Variants in FAIM2 observed in about 807,000 individuals in gnomAD.
The protein encoded by FAIM2 is Fas apoptotic inhibitory molecule 2.
FAIM2 carries 27 observed loss-of-function variants against 47.4 expected under a neutral mutation model. The observed-to-expected ratio is 0.57, with a 90% CI of 0.42 to 0.78. FAIM2 has a LOEUF of 0.78. Ranked by LOEUF, FAIM2 falls within the 30% of genes least tolerant of loss-of-function variation. The pLI is 0.00. For synonymous variants in FAIM2, 156 were observed against 159.3 expected, an observed-to-expected ratio of 0.98 and a Z score of 0.16; for missense variants, 311 against 389.4, an observed-to-expected ratio of 0.80 and a Z score of 1.69.
At position 49,894,670 on chromosome 12, in the gene FAIM2, C is replaced by T. The variant is rs191565303; in HGVS notation, c.434+2361G>A. On this transcript the variant is annotated intron_variant, in intron 5 of 11. Transcript: ENST00000320634. ...CCAGCATCCAAACACAATGCCTTTC[C>T]CCAGCTTGTCCTGCTCTAAGACAAA... 1.2e-3 allele frequency among the ~76,000 whole-genome samples: 176 copies of T among 152,244 alleles called. 1 individual carries two copies. Among genetic ancestry groups the T allele is most frequent in the African/African-American group, 3.5e-3 (146 of 41,552 alleles).
At position 49,890,560 on chromosome 12, in the gene FAIM2, C is replaced by T. The variant is rs1255454923; in HGVS notation, c.525+123G>A. ...AAGAAGTGGGGTGAAAACACCCCTG[C>T]CCCGCCAGGGACCTCACATTGGACA... On this transcript the variant is annotated intron_variant, in intron 7 of 11. Transcript: ENST00000320634. The T allele has an allele frequency of 1.8e-5, 16 of 884,378 alleles. No homozygotes were observed. In the Middle Eastern group the frequency reaches 1.1e-3, roughly 60 times the overall value. 54.8% of individuals were successfully genotyped at this position (884,378 alleles called of 1,614,324 possible). A position where few individuals can be genotyped will look rare whatever the true frequency, so the allele number is the denominator to read the frequency against.
At chr12:49,897,888 G>T in intron 3 of FAIM2, 99 bp downstream of exon 3, 1 of 892,324 alleles carries the variant, frequency 1.1e-6, no homozygotes, top group Non-Finnish European at 1.9e-6. Flanking sequence ...AGAGAAGGGG[G>T]CAGGGATGGC....
intron 11 of FAIM2, among the ~76,000 whole-genome samples, chr12:49,878,832 GTA>G (rs1389366429): frequency 3.1e-5 from 2 of 64,256 alleles, no homozygotes; most frequent in African/African-American, 9.6e-5. Context: ...ATATGTGAGT[GTA>G]TGTGTGTGCA....
intron 1 of FAIM2, chr12:49,901,684 AT>A (rs1487350974): frequency 5.7e-6 from 1 of 176,050 alleles, no homozygotes; most frequent in African/African-American, 2.4e-5. Flanking sequence ...AGGTTATGTC[AT>A]TTAATCTTCC....
intron 11 of FAIM2, among the ~76,000 whole-genome samples, chr12:49,879,475 T>C (rs1946784410): frequency 1.0e-4 from 1 of 9,974 alleles, no homozygotes; most frequent in South Asian, 3.4e-3. Flanking sequence ...TGTGCATGTG[T>C]ATGTGCATGT....
chr12:49,900,053 G>T (rs1946970957), intron 2 of FAIM2: 2 of 388,034 alleles, frequency 5.2e-6, no homozygotes, highest in Non-Finnish European at 9.7e-6. Context: ...TACATATTCT[G>T]CGAAAGCCCA....
intron 11 of FAIM2, among the ~76,000 whole-genome samples, chr12:49,878,755 T>G (rs997681090): frequency 8.0e-6 from 1 of 124,964 alleles, no homozygotes; most frequent in Admixed American, 9.2e-5. Context: ...TGCATATGTG[T>G]ATATATTTAT....
chr12:49,879,735 T>C (rs1946790337), intron 11 of FAIM2, among the ~76,000 whole-genome samples: 1 of 150,890 alleles, frequency 6.6e-6, no homozygotes, highest in Non-Finnish European at 1.5e-5. Flanking sequence ...AGTGTGTGTC[T>C]GAGTGAATGT....
intron 11 of FAIM2, among the ~76,000 whole-genome samples, chr12:49,883,278 A>T (rs961014779): frequency 6.6e-6 from 1 of 152,182 alleles, no homozygotes; most frequent in Non-Finnish European, 1.5e-5. Context: ...AGGCCATGGC[A>T]ACAATCAATC....
intron 7 of FAIM2, 127 bp from the exon 8 acceptor site, chr12:49,890,281 C>T (rs1946891357): frequency 5.0e-6 from 4 of 805,790 alleles, no homozygotes; most frequent in Non-Finnish European, 8.4e-6. Flanking sequence ...GTCACCCCCA[C>T]ACACACTGAC....
chr12:49,880,820 A>G (rs919708142), intron 11 of FAIM2, among the ~76,000 whole-genome samples: 1 of 151,228 alleles, frequency 6.6e-6, no homozygotes, highest in Non-Finnish European at 1.5e-5. Flanking sequence ...CTATGTGTGT[A>G]TATGTGAGTT....
At chr12:49,879,694 G>T (rs1219099972) in intron 11 of FAIM2, among the ~76,000 whole-genome samples, 4 of 62,348 alleles carry the variant, frequency 6.4e-5, no homozygotes, top group Non-Finnish European at 3.0e-5. Context: ...ATCTGTGTCT[G>T]TGTGCATGTG....
rs79270562 is a variant in FAIM2 at position 49,886,772 on chromosome 12, G to A, written c.801+614C>T. On this transcript the variant is annotated intron_variant, in intron 11 of 11. Coordinates refer to ENST00000320634, the MANE Select transcript of FAIM2 (RefSeq NM_012306.4). ...ATTATAGGCGTGAGCCACCGTGACC[G>A]GCCTCCCCATCTTAATTTATTAACA... Among the ~76,000 whole-genome samples, 1,492 of 152,058 alleles carry A rather than the reference G, an allele frequency of 9.8e-3. 27 individuals carry two copies. The highest frequency in any genetic ancestry group is 0.033 in the African/African-American group (1,376 of 41,462).
At chr12:49,883,315 C>A (rs422022) in intron 11 of FAIM2, among the ~76,000 whole-genome samples, 19,356 of 151,806 alleles carry the variant, frequency 0.13, 1,298 homozygotes, top group African/African-American at 0.17. Flanking sequence ...GGGGCTGGGA[C>A]AGGGAGTAGC....
At position 49,867,585 on chromosome 12, in the gene FAIM2, G is replaced by A. The variant is rs939526846; in HGVS notation, c.*2919C>T. ...AGCTTCCAGAAGAGGACTTCAGTGGGAGACCCCTCAACTCACATTCCGGAC... is the reference window on the plus strand; with the variant it reads ...AGCTTCCAGAAGAGGACTTCAGTGGAAGACCCCTCAACTCACATTCCGGAC... On this transcript the variant is annotated 3_prime_UTR_variant, in exon 12 of 12. Coordinates refer to ENST00000320634, the MANE Select transcript of FAIM2 (RefSeq NM_012306.4). The A allele has an allele frequency of 6.6e-6, 1 of 152,234 alleles. No homozygotes were observed. Among genetic ancestry groups the A allele is most frequent in the African/African-American group, 2.4e-5 (1 of 41,406 alleles). 9.4% of individuals were successfully genotyped at this position (152,234 alleles called of 1,614,324 possible). A position where few individuals can be genotyped will look rare whatever the true frequency, so the allele number is the denominator to read the frequency against.
intron 3 of FAIM2, 24 bp downstream of exon 3, chr12:49,897,963 C>T: frequency 6.3e-7 from 1 of 1,588,570 alleles, no homozygotes; most frequent in Non-Finnish European, 8.6e-7. Flanking sequence ...CTCCCAGTCC[C>T]AGAGGGCTAC....
At chr12:49,880,301 T>C (rs1946804604) in intron 11 of FAIM2, among the ~76,000 whole-genome samples, 1 of 148,452 alleles carries the variant, frequency 6.7e-6, no homozygotes, top group African/African-American at 2.5e-5. Flanking sequence ...TATCTGTGTA[T>C]GTGCATGTGT....
At chr12:49,897,230 G>A (rs957684277) in intron 4 of FAIM2, 146 bp from the exon 5 acceptor site, 4 of 746,556 alleles carry the variant, frequency 5.4e-6, no homozygotes, top group Non-Finnish European at 9.5e-6. Flanking sequence ...GGGAGTCCCA[G>A]CCCACAGTCC....
chr12:49,891,312 C>T (rs1333223328), intron 5 of FAIM2, among the ~76,000 whole-genome samples, 198 bp from the exon 6 acceptor site: 2 of 152,140 alleles, frequency 1.3e-5, no homozygotes, highest in African/African-American at 4.8e-5. Flanking sequence ...AAGGATGGGA[C>T]GAGCCTGCTT....
Sources: allele counts gnomAD v4.1 joint callset (sites outside exome capture counted in the v4.1 genomes callset), GRCh38; gene constraint gnomAD v4.1.1; transcripts MANE v1.5; gene names NCBI Gene and HGNC (gene_info 2026-07-23, HGNC 2026-07-21).